CACNA2D3: variants seen among roughly 807,000 people sequenced by gnomAD.
CACNA2D3 encodes the protein calcium voltage-gated channel auxiliary subunit alpha2delta 3, also known as voltage-dependent calcium channel subunit alpha-2/delta-3.
In CACNA2D3, 60 loss-of-function variants were observed where a neutral mutation model predicts 160.6. The observed-to-expected ratio is 0.37, with a 90% CI of 0.30 to 0.46. CACNA2D3 has a LOEUF of 0.46. Ranked by LOEUF, CACNA2D3 falls within the 20% of genes least tolerant of loss-of-function variation. The pLI, the probability that CACNA2D3 is intolerant of heterozygous loss-of-function variation, is 1.00. For synonymous variants in CACNA2D3, 558 were observed against 492.9 expected (o/e 1.13, Z -1.75); for missense variants, 1,205 against 1,365.0 (o/e 0.88, Z 1.85).
At chr3:54,577,815 T>G (rs1313376203) in intron 8 of CACNA2D3, among the ~76,000 whole-genome samples, 7 of 152,048 alleles carry the variant, frequency 4.6e-5, no homozygotes, top group Non-Finnish European at 7.4e-5. Flanking sequence ...TGTGGCAGAG[T>G]CAGGATTTGA....
intron 3 of CACNA2D3, among the ~76,000 whole-genome samples, chr3:54,368,599 T>A (rs1211385972): frequency 6.6e-6 from 1 of 152,138 alleles, no homozygotes; most frequent in Non-Finnish European, 1.5e-5. Flanking sequence ...TCATGTAAAC[T>A]TGAATTTCCA....
intron 3 of CACNA2D3, among the ~76,000 whole-genome samples, chr3:54,383,521 TA>T (rs1362902687): frequency 6.6e-6 from 1 of 152,200 alleles, no homozygotes; most frequent in Non-Finnish European, 1.5e-5. Flanking sequence ...TCATGTTTCC[TA>T]AAGCTTTCTA....
chr3:54,499,949 C>T (rs140604293), intron 4 of CACNA2D3, among the ~76,000 whole-genome samples: 1 of 152,272 alleles, frequency 6.6e-6, no homozygotes, highest in Non-Finnish European at 1.5e-5. Flanking sequence ...CTTACCAGTA[C>T]TTTGCCTCCT....
At chr3:54,767,177 AG>A (rs923911176) in intron 13 of CACNA2D3, among the ~76,000 whole-genome samples, 3 of 152,116 alleles carry the variant, frequency 2.0e-5, no homozygotes, top group African/African-American at 7.2e-5. Flanking sequence ...AAATTAAACA[AG>A]ATTGGGGGGA....
At chr3:54,228,233 A>C (rs1027137333) in intron 2 of CACNA2D3, among the ~76,000 whole-genome samples, 1 of 152,190 alleles carries the variant, frequency 6.6e-6, no homozygotes, top group African/African-American at 2.4e-5. Flanking sequence ...TCAAAGGTTC[A>C]GTTTGGCTTC....
intron 2 of CACNA2D3, among the ~76,000 whole-genome samples, chr3:54,298,816 G>T (rs1472014261): frequency 1.1e-5 from 1 of 89,716 alleles, no homozygotes; most frequent in Non-Finnish European, 2.7e-5. Flanking sequence ...GCTCCAGAAG[G>T]CAGTGGCTCA....
intron 27 of CACNA2D3, among the ~76,000 whole-genome samples, chr3:54,949,182 T>C (rs953911812): frequency 6.6e-6 from 1 of 152,174 alleles, no homozygotes; most frequent in African/African-American, 2.4e-5. Context: ...CTCCTTGATA[T>C]AGTTTTGGTC....
At chr3:55,034,352 C>T (rs1703767358) in intron 35 of CACNA2D3, among the ~76,000 whole-genome samples, 1 of 151,584 alleles carries the variant, frequency 6.6e-6, no homozygotes, top group South Asian at 2.1e-4. Context: ...TCTCTGTGTG[C>T]CGTCTAATTA....
In CACNA2D3 at chr3:55,028,644, C is replaced by A. The variant is rs186026641; in HGVS notation, c.2987+10327C>A. ...CAATTGCAAAATAAATAGTTAGAAC[C>A]AGTTAAGAAAAATAATTAATCAAAA... On this transcript the variant is annotated intron_variant, in intron 35 of 37. Coordinates refer to ENST00000474759, the MANE Select transcript of CACNA2D3 (RefSeq NM_018398.3). 5.4e-3 allele frequency among the ~76,000 whole-genome samples: 818 copies of A among 152,204 alleles called. 7 individuals are homozygous for A. The highest frequency in any genetic ancestry group is 6.1e-3 in the Non-Finnish European group (416 of 67,996).
At chr3:54,767,365 A>C (rs554860072) in intron 13 of CACNA2D3, among the ~76,000 whole-genome samples, 1 of 152,188 alleles carries the variant, frequency 6.6e-6, no homozygotes, top group African/African-American at 2.4e-5. Context: ...GAGAACTGCA[A>C]ATAAATTCTA....
chr3:55,029,471 T>C (rs1703638799), intron 35 of CACNA2D3, among the ~76,000 whole-genome samples: 2 of 152,244 alleles, frequency 1.3e-5, no homozygotes, highest in Non-Finnish European at 2.9e-5. Flanking sequence ...CAAACCCATC[T>C]GTGTTGACAG....
intron 10 of CACNA2D3, among the ~76,000 whole-genome samples, chr3:54,635,904 C>G (rs1447654395): frequency 6.6e-6 from 1 of 151,984 alleles, no homozygotes; most frequent in Non-Finnish European, 1.5e-5. Flanking sequence ...CCTTCTCAGA[C>G]CCTGTAGGAA....
chr3:54,717,681 G>GT (rs1701079579), intron 11 of CACNA2D3, among the ~76,000 whole-genome samples: 1 of 137,504 alleles, frequency 7.3e-6, no homozygotes, highest in Non-Finnish European at 1.6e-5. Context: ...TGGTGTGTGT[G>GT]GTGTGTGCGT....
chr3:54,837,338 T>C lies in CACNA2D3; in HGVS notation c.1470+108T>C, dbSNP rs541011330. ...TTGATTTTTAAGCATAGGATGTATGTCATTTTTCCTTATTGTTTGATCTTG... is the reference window on the plus strand; with the variant it reads ...TTGATTTTTAAGCATAGGATGTATGCCATTTTTCCTTATTGTTTGATCTTG... On this transcript the variant is annotated intron_variant, in intron 15 of 37. Transcript: ENST00000474759. 15 of 847,800 alleles carry C rather than the reference T, an allele frequency of 1.8e-5. No homozygotes were observed. The South Asian group carries it at 2.3e-4, about 13-fold the overall frequency. The allele number at this position is 847,800 out of a possible 1,614,324, so 52.5% of individuals were successfully genotyped here.
At chr3:54,620,994 G>A (rs1051217124) in intron 9 of CACNA2D3, among the ~76,000 whole-genome samples, 44 of 152,288 alleles carry the variant, frequency 2.9e-4, no homozygotes, top group African/African-American at 9.1e-4. Flanking sequence ...TTCCCATGGT[G>A]GAGTTGCTGC....
At chr3:54,280,709 T>C (rs1702861065) in intron 2 of CACNA2D3, among the ~76,000 whole-genome samples, 1 of 152,206 alleles carries the variant, frequency 6.6e-6, no homozygotes, top group Non-Finnish European at 1.5e-5. Context: ...TGTTCTCTCT[T>C]GTGCCCTTTG....
chr3:54,528,126 G>A (rs1003750344), intron 5 of CACNA2D3, among the ~76,000 whole-genome samples: 2 of 152,068 alleles, frequency 1.3e-5, no homozygotes, highest in Non-Finnish European at 2.9e-5. Flanking sequence ...TGTGGATAAG[G>A]CTTGGAAAAA....
chr3:54,607,651 G>A lies in CACNA2D3; in HGVS notation c.964-20136G>A, dbSNP rs140762904. On this transcript the variant is annotated intron_variant, in intron 9 of 37. Transcript: ENST00000474759. ...AATAGTGCAGCCATTCTGGAAAACAGTTTGGCAATTTTCTCATAAATTTAA... is the reference window on the plus strand; with the variant it reads ...AATAGTGCAGCCATTCTGGAAAACAATTTGGCAATTTTCTCATAAATTTAA... 1.7e-3 allele frequency among the ~76,000 whole-genome samples: 260 copies of A among 152,312 alleles called. 1 individual carries two copies. Among genetic ancestry groups the A allele is most frequent in the African/African-American group, 6.1e-3 (252 of 41,572 alleles).
intron 11 of CACNA2D3, among the ~76,000 whole-genome samples, chr3:54,677,464 A>T (rs1179027599): frequency 6.6e-6 from 1 of 152,212 alleles, no homozygotes; most frequent in Non-Finnish European, 1.5e-5. Context: ...CCTCTATTTA[A>T]AGACAGATTG....
Sources: allele counts gnomAD v4.1 joint callset (sites outside exome capture counted in the v4.1 genomes callset), GRCh38; gene constraint gnomAD v4.1.1; transcripts MANE v1.5; gene names NCBI Gene and HGNC (gene_info 2026-07-23, HGNC 2026-07-21).